RSU1: variants seen among roughly 807,000 people sequenced by gnomAD.
The protein encoded by RSU1 is Ras suppressor protein 1.
RSU1 carries 26 observed loss-of-function variants against 31.1 expected under a neutral mutation model. The ratio of observed to expected loss-of-function variants is 0.84; its 90% CI spans 0.61 to 1.16. The LOEUF (loss-of-function observed/expected upper bound fraction) is 1.16, where lower values mean the gene tolerates loss of function less well. Ranked by LOEUF, RSU1 falls within the 50% of genes most tolerant of loss-of-function variation. The pLI, the probability that RSU1 is intolerant of heterozygous loss-of-function variation, is 0.00. For missense variants in RSU1, 320 were observed against 339.1 expected (o/e 0.94, Z 0.44); for synonymous variants, 164 against 136.3 (o/e 1.20, Z -1.41).
intron 7 of RSU1, among the ~76,000 whole-genome samples, chr10:16,716,502 G>A (rs1370194878): frequency 6.6e-6 from 1 of 152,046 alleles, no homozygotes; most frequent in Non-Finnish European, 1.5e-5. Flanking sequence ...GGTAGGGAAT[G>A]AGAGGCAAAG....
intron 2 of RSU1, among the ~76,000 whole-genome samples, chr10:16,794,241 T>G (rs531791945): frequency 6.6e-6 from 1 of 152,318 alleles, no homozygotes; most frequent in South Asian, 2.1e-4. Flanking sequence ...CCTGGGCCAA[T>G]TTCCATAATA....
chr10:16,775,543 C>T (rs958158611), intron 3 of RSU1, among the ~76,000 whole-genome samples: 4 of 152,174 alleles, frequency 2.6e-5, no homozygotes, highest in South Asian at 2.1e-4. Flanking sequence ...CCACAGTCTA[C>T]AAGCTGAGGA....
intron 8 of RSU1, among the ~76,000 whole-genome samples, chr10:16,688,323 T>A (rs1033717367): frequency 2.0e-5 from 3 of 152,112 alleles, no homozygotes; most frequent in African/African-American, 7.2e-5. Context: ...AAAGAAAATA[T>A]AGGCCAGTAG....
chr10:16,782,354 G>C (rs539777508), intron 2 of RSU1, among the ~76,000 whole-genome samples: 4 of 152,210 alleles, frequency 2.6e-5, no homozygotes, highest in Non-Finnish European at 4.4e-5. Flanking sequence ...GGGCCAGTTA[G>C]CTCTGCGTGG....
intron 8 of RSU1, among the ~76,000 whole-genome samples, chr10:16,646,559 CG>C (rs1554762907): frequency 6.6e-6 from 1 of 152,176 alleles, no homozygotes; most frequent in Non-Finnish European, 1.5e-5. Flanking sequence ...CGTAGCTCCC[CG>C]AACACTTTAT....
intron 7 of RSU1, among the ~76,000 whole-genome samples, chr10:16,732,757 G>C (rs1316455454): frequency 2.0e-5 from 3 of 152,178 alleles, no homozygotes; most frequent in East Asian, 1.9e-4. Context: ...TATTCTTCAA[G>C]TTTCACTAGG....
chr10:16,720,083 T>C (rs1836223634), intron 7 of RSU1, among the ~76,000 whole-genome samples: 1 of 152,224 alleles, frequency 6.6e-6, no homozygotes, highest in African/African-American at 2.4e-5. Context: ...CCTTCCTATG[T>C]GGCACAATCA....
At chr10:16,688,739 G>A (rs1835486084) in intron 8 of RSU1, among the ~76,000 whole-genome samples, 1 of 152,220 alleles carries the variant, frequency 6.6e-6, no homozygotes, top group Non-Finnish European at 1.5e-5. Flanking sequence ...CGTGGTGCGT[G>A]CCTGTAATCT....
At chr10:16,633,748 G>A (rs1024172607) in intron 8 of RSU1, among the ~76,000 whole-genome samples, 4 of 152,196 alleles carry the variant, frequency 2.6e-5, no homozygotes, top group South Asian at 2.1e-4. Context: ...GATTCCATGG[G>A]CTTCTGTGTA....
intron 8 of RSU1, among the ~76,000 whole-genome samples, chr10:16,618,877 T>C (rs1268935950): frequency 1.3e-5 from 2 of 152,026 alleles, no homozygotes; most frequent in African/African-American, 4.8e-5. Flanking sequence ...ACCTAATGCA[T>C]GTGGGGCTTA....
intron 7 of RSU1, among the ~76,000 whole-genome samples, chr10:16,748,910 T>TTC (rs1204904950): frequency 6.8e-6 from 1 of 146,544 alleles, no homozygotes; most frequent in African/African-American, 2.7e-5. Context: ...GTCATTCATA[T>TTC]TCTCTCTCTC....
chr10:16,747,257 C>T (rs991621291), intron 7 of RSU1, among the ~76,000 whole-genome samples: 1 of 152,176 alleles, frequency 6.6e-6, no homozygotes, highest in Non-Finnish European at 1.5e-5. Flanking sequence ...GGGATCTCAT[C>T]CAATTTGTAC....
At position 16,663,240 on chromosome 10, in the gene RSU1, G is replaced by C. The variant is rs948584462; in HGVS notation, c.731+31783C>G. ...TCAAAGGCATCCTGTTCTAAACAAA[G>C]GGCCCTACGTGCTCCTGTACACCAG... On this transcript the variant is annotated intron_variant, in intron 8 of 8. Coordinates refer to ENST00000345264, the MANE Select transcript of RSU1 (RefSeq NM_012425.4). 2.0e-5 allele frequency among the ~76,000 whole-genome samples: 3 copies of C among 152,074 alleles called. No homozygotes were observed. In the East Asian group the frequency reaches 5.8e-4, roughly 29 times the overall value.
At chr10:16,721,057 A>G (rs891512814) in intron 7 of RSU1, among the ~76,000 whole-genome samples, 3 of 152,228 alleles carry the variant, frequency 2.0e-5, no homozygotes, top group Non-Finnish European at 4.4e-5. Context: ...ATCAAAGTAC[A>G]TTTTCATTCA....
chr10:16,629,643 A>G (rs1204925678), intron 8 of RSU1, among the ~76,000 whole-genome samples: 1 of 152,250 alleles, frequency 6.6e-6, no homozygotes, highest in African/African-American at 2.4e-5. Context: ...AAAGAATCTC[A>G]GGGACTGTAA....
At chr10:16,639,743 T>C (rs961885900) in intron 8 of RSU1, among the ~76,000 whole-genome samples, 4 of 152,216 alleles carry the variant, frequency 2.6e-5, no homozygotes, top group African/African-American at 9.6e-5. Flanking sequence ...CATGGAGACT[T>C]TGTGACAATA....
At chr10:16,625,778 C>A (rs932704306) in intron 8 of RSU1, among the ~76,000 whole-genome samples, 1 of 152,132 alleles carries the variant, frequency 6.6e-6, no homozygotes, top group Non-Finnish European at 1.5e-5. Context: ...TCTTGAGGGC[C>A]CATTCTGGTC....
intron 8 of RSU1, among the ~76,000 whole-genome samples, chr10:16,611,982 T>C (rs940256410): frequency 3.9e-5 from 6 of 152,208 alleles, no homozygotes; most frequent in African/African-American, 1.4e-4. Flanking sequence ...CTGATAAAAG[T>C]GCTTTATCCT....
chr10:16,697,661 T>TAA (rs577823354), intron 7 of RSU1, among the ~76,000 whole-genome samples: 15 of 127,100 alleles, frequency 1.2e-4, no homozygotes, highest in African/African-American at 4.3e-4. Context: ...AAGACTGTCT[T>TAA]AAAAAAAAAA....
Sources: allele counts gnomAD v4.1 joint callset (sites outside exome capture counted in the v4.1 genomes callset), GRCh38; gene constraint gnomAD v4.1.1; transcripts MANE v1.5; gene names NCBI Gene and HGNC (gene_info 2026-07-23, HGNC 2026-07-21).